Variants in MAP3K15 observed in about 807,000 individuals in gnomAD.
MAP3K15 encodes MAPK/ERK kinase kinase 15.
Under a neutral mutation model 99.5 loss-of-function variants are expected in MAP3K15, and 124 were observed. The ratio of observed to expected loss-of-function variants is 1.25; its 90% confidence interval spans 1.08 to 1.45. The LOEUF is 1.45. MAP3K15 is among the 40% of genes most tolerant of loss of function. The pLI is 0.00. For missense variants in MAP3K15, 1,242 were observed against 1,079.7 expected, an observed-to-expected ratio of 1.15 and a Z score of -2.11; for synonymous variants, 494 against 439.6, an observed-to-expected ratio of 1.12 and a Z score of -1.55.
chrX:19,454,532 G>A (rs751566390), intron 6 of MAP3K15, among the ~76,000 whole-genome samples: 11 of 111,373 alleles, frequency 9.9e-5, no homozygotes, highest in Non-Finnish European at 1.5e-4. Context: ...AAAGCTGACC[G>A]GCTCGAGCCA....
chrX:19,511,074 A>T (rs1446254417), intron 1 of MAP3K15, among the ~76,000 whole-genome samples: 2 of 112,069 alleles, frequency 1.8e-5, no homozygotes, highest in African/African-American at 6.5e-5. Flanking sequence ...TGGGGAAAGG[A>T]TTCCCTATTT....
chrX:19,463,223 C>T (rs2064143922), intron 4 of MAP3K15, among the ~76,000 whole-genome samples: 1 of 112,042 alleles, frequency 8.9e-6, no homozygotes, highest in African/African-American at 3.2e-5. Context: ...TTTCTAATCT[C>T]CTTTTCCATT....
At chrX:19,422,586 T>G (rs999777531) in intron 9 of MAP3K15, among the ~76,000 whole-genome samples, 1 of 111,844 alleles carries the variant, frequency 8.9e-6, no homozygotes, top group Non-Finnish European at 1.9e-5. Flanking sequence ...GGTGGGACTG[T>G]AAACTAATTC....
chrX:19,364,495 CCT>C (rs967361559), intron 25 of MAP3K15, among the ~76,000 whole-genome samples: 4 of 111,740 alleles, frequency 3.6e-5, no homozygotes, highest in African/African-American at 1.3e-4. Context: ...CCATAGAATC[CCT>C]CTTCCCCAAA....
chrX:19,418,840 T>C (rs991877436), intron 9 of MAP3K15, among the ~76,000 whole-genome samples: 3 of 112,253 alleles, frequency 2.7e-5, no homozygotes, highest in African/African-American at 6.5e-5. Context: ...AGCTGATCTC[T>C]CTGCAGAAAC....
intron 3 of MAP3K15, among the ~76,000 whole-genome samples, chrX:19,470,011 G>A (rs759374681): frequency 2.7e-5 from 3 of 111,081 alleles, no homozygotes; most frequent in Non-Finnish European, 5.7e-5. Flanking sequence ...CAGGGATCTA[G>A]AACTAGAAAT....
At chrX:19,472,534 G>A (rs767309117) in intron 3 of MAP3K15, among the ~76,000 whole-genome samples, 8 of 110,974 alleles carry the variant, frequency 7.2e-5, no homozygotes, top group African/African-American at 2.0e-4. Flanking sequence ...GGCTATATTG[G>A]AATAAGGAAA....
chrX:19,431,483 T>C lies in MAP3K15; in HGVS notation c.1121A>G (p.Asp374Gly), dbSNP rs535213693. The change falls in exon 7 of 29, where the codon GAT becomes GGT. Residue 374 changes from aspartate to glycine, a missense_variant. Physicochemically the swap from Asp to Gly is moderately conservative, Grantham distance 94. Coordinates refer to ENST00000338883, the MANE Select transcript of MAP3K15 (RefSeq NM_001001671.4). ...CGRIYKDIFL[D>G]SDCKDDTSRD... ...GCTGGTGTCATCTTTGCAGTCTGAATCCAAGAAGATGTCCTTGTAGATCCT... is the reference window on the plus strand; with the variant it reads ...GCTGGTGTCATCTTTGCAGTCTGAACCCAAGAAGATGTCCTTGTAGATCCT... 2.8e-5 allele frequency: 34 copies of C among 1,200,389 alleles called. No homozygotes were observed. The highest frequency in any genetic ancestry group is 2.6e-4 in the African/African-American group (15 of 57,826).
intron 9 of MAP3K15, among the ~76,000 whole-genome samples, chrX:19,417,403 C>T (rs764938341): frequency 5.2e-4 from 58 of 112,227 alleles, no homozygotes; most frequent in Admixed American, 2.0e-3. Context: ...TTATATCCCG[C>T]GCCTGGCTCA....
At chrX:19,375,760 A>T (rs2063412600) in intron 19 of MAP3K15, among the ~76,000 whole-genome samples, 1 of 112,403 alleles carries the variant, frequency 8.9e-6, no homozygotes, top group African/African-American at 3.2e-5. Flanking sequence ...GTAGAGGGCC[A>T]GGCCTCCCCA....
At chrX:19,377,712 T>A (rs762652436) in intron 19 of MAP3K15, among the ~76,000 whole-genome samples, 48 of 111,905 alleles carry the variant, frequency 4.3e-4, no homozygotes, top group African/African-American at 1.6e-3. Context: ...GGCTCTCAGG[T>A]GGGCCTCATG....
At chrX:19,394,597 C>A (rs2063551984) in intron 16 of MAP3K15, among the ~76,000 whole-genome samples, 1 of 110,919 alleles carries the variant, frequency 9.0e-6, no homozygotes, top group African/African-American at 3.3e-5. Context: ...TATGTTCCCT[C>A]TTCTGCACCC....
chrX:19,392,155 A>G (rs768323277), intron 17 of MAP3K15, 48 bp from the exon 18 acceptor site: 1 of 1,092,194 alleles, frequency 9.2e-7, no homozygotes, highest in South Asian at 1.9e-5. Flanking sequence ...GCTGAAACGA[A>G]CTCATATGAA....
chrX:19,360,266 T>TGAA lies in MAP3K15; in HGVS notation c.*480_*482dup, dbSNP rs1426496496. The TGAA allele has an allele frequency of 7.4e-6, 1 of 135,902 alleles. No individual in the cohort carries two copies. The highest frequency in any genetic ancestry group is 3.2e-5 in the African/African-American group (1 of 31,297). 11.2% of individuals were successfully genotyped at this position (135,902 alleles called of 1,213,427 possible). ...CGTATCAGTTTTGTGTTTCTCAAAT[T>TGAA]GAAGTACCATACCAGTTCTGAGGCA... On this transcript the variant is annotated 3_prime_UTR_variant, in exon 29 of 29. Coordinates refer to ENST00000338883, the MANE Select transcript of MAP3K15 (RefSeq NM_001001671.4).
chrX:19,442,338 T>C (rs1157775139), intron 6 of MAP3K15, among the ~76,000 whole-genome samples: 1 of 111,514 alleles, frequency 9.0e-6, no homozygotes, highest in Non-Finnish European at 1.9e-5. Context: ...AATGAGTATG[T>C]CTGACTTGGA....
chrX:19,454,557 A>G (rs1417750400), intron 6 of MAP3K15, among the ~76,000 whole-genome samples: 2 of 111,529 alleles, frequency 1.8e-5, no homozygotes, highest in African/African-American at 3.3e-5. Context: ...TCCCACTAAC[A>G]GGGAGCCCTT....
chrX:19,469,445 C>A (rs1426199185), intron 3 of MAP3K15, among the ~76,000 whole-genome samples: 1 of 111,723 alleles, frequency 9.0e-6, no homozygotes, highest in Non-Finnish European at 1.9e-5. Context: ...ACCATAAAAA[C>A]CCTAGAAGAA....
intron 15 of MAP3K15, 69 bp from the exon 16 acceptor site, chrX:19,395,277 C>T (rs955625338): frequency 4.8e-6 from 5 of 1,046,915 alleles, no homozygotes; most frequent in Non-Finnish European, 3.9e-6. Context: ...TCTCACCTCA[C>T]CAGGACCTGC....
At chrX:19,489,934 G>A (rs2064355998) in intron 1 of MAP3K15, among the ~76,000 whole-genome samples, 1 of 110,650 alleles carries the variant, frequency 9.0e-6, no homozygotes, top group African/African-American at 3.3e-5. Flanking sequence ...TACTCGGGAG[G>A]CTAAGGCAGG....
Sources: allele counts gnomAD v4.1 joint callset (sites outside exome capture counted in the v4.1 genomes callset), GRCh38; gene constraint gnomAD v4.1.1; transcripts MANE v1.5; gene names NCBI Gene and HGNC (gene_info 2026-07-23, HGNC 2026-07-21).